Variants in ZDHHC7 observed in about 807,000 individuals in gnomAD.
ZDHHC7 encodes the protein palmitoyltransferase ZDHHC7.
In ZDHHC7, 12 loss-of-function variants were observed where a neutral mutation model predicts 34.1. The ratio of observed to expected loss-of-function variants is 0.35; its 90% CI spans 0.23 to 0.57. The LOEUF is 0.57. Among genes scored for constraint, ZDHHC7 ranks in the 20% least tolerant of loss-of-function variants. The pLI is 0.84. For missense variants in ZDHHC7, 388 were observed against 402.7 expected (o/e 0.96, Z 0.31); for synonymous variants, 185 against 155.4 (o/e 1.19, Z -1.42).
chr16:85,003,033 A>C lies in ZDHHC7; in HGVS notation c.-103-7026T>G, dbSNP rs1164552799. Among the ~76,000 whole-genome samples, 3 of 152,246 alleles carry C rather than the reference A, an allele frequency of 2.0e-5. No individual in the cohort carries two copies. The East Asian group carries it at 5.8e-4, about 29-fold the overall frequency. Reference sequence around the variant, plus strand: ...CTTTTATCCAAAAGCCCAGCCCAGCACCATAAACTTACCCAGGGCTGGAGA... The same window carrying C: ...CTTTTATCCAAAAGCCCAGCCCAGCCCCATAAACTTACCCAGGGCTGGAGA... On this transcript the variant is annotated intron_variant, in intron 1 of 7. Coordinates refer to ENST00000313732, the MANE Select transcript of ZDHHC7 (RefSeq NM_017740.3).
At chr16:85,002,704 G>C (rs191617584) in intron 1 of ZDHHC7, among the ~76,000 whole-genome samples, 1 of 152,052 alleles carries the variant, frequency 6.6e-6, no homozygotes, top group East Asian at 1.9e-4. Context: ...GAATTTTATC[G>C]ATAGGAGAAA....
chr16:84,982,566 A>C (rs748685660), intron 3 of ZDHHC7, among the ~76,000 whole-genome samples: 17 of 152,140 alleles, frequency 1.1e-4, no homozygotes, highest in Non-Finnish European at 1.8e-4. Flanking sequence ...CACTGCCCAG[A>C]GTTTTCTTAT....
intron 3 of ZDHHC7, 31 bp downstream of exon 3, chr16:84,990,273 A>G (rs780689553): frequency 6.2e-7 from 1 of 1,603,878 alleles, no homozygotes; most frequent in Non-Finnish European, 8.5e-7. Flanking sequence ...CAGACACAAG[A>G]GAGCCACCCA....
chr16:84,990,859 A>G (rs1256812303), intron 2 of ZDHHC7, among the ~76,000 whole-genome samples: 2 of 91,330 alleles, frequency 2.2e-5, no homozygotes, highest in Non-Finnish European at 4.0e-5. Flanking sequence ...TTATGCCTAC[A>G]TATACAAAAC....
rs538976169 is a variant in ZDHHC7 at position 84,981,493 on chromosome 16, C to G, written c.440+377G>C. On this transcript the variant is annotated intron_variant, in intron 4 of 7. Transcript: ENST00000313732. ...GCAGGAGTGAGGGGAAGGTTCTGAG[C>G]CTTTCTTCTGGCCCCCACACAGGAT... Among the ~76,000 whole-genome samples, 3 of 152,334 alleles carry G rather than the reference C, an allele frequency of 2.0e-5. No individual in the cohort carries two copies. The East Asian group carries it at 5.8e-4, about 29-fold the overall frequency.
chr16:85,010,466 T>G (rs1287379664), intron 1 of ZDHHC7, among the ~76,000 whole-genome samples: 2 of 152,206 alleles, frequency 1.3e-5, no homozygotes, highest in Non-Finnish European at 2.9e-5. Flanking sequence ...CTAAACCCCT[T>G]GGGATAGTAA....
At chr16:85,000,207 A>C (rs2072635614) in intron 1 of ZDHHC7, among the ~76,000 whole-genome samples, 1 of 152,224 alleles carries the variant, frequency 6.6e-6, no homozygotes, top group Admixed American at 6.5e-5. Context: ...AAACATGAGC[A>C]GGAGAAAAAA....
At chr16:85,016,070 T>C (rs1597573590), upstream of ZDHHC7, among the ~76,000 whole-genome samples, 1 of 152,266 alleles carries the variant, frequency 6.6e-6, no homozygotes, top group East Asian at 1.9e-4. Flanking sequence ...CCCAACCACG[T>C]CATGGCCTAA....
At chr16:84,998,572 G>A (rs569208864) in intron 1 of ZDHHC7, among the ~76,000 whole-genome samples, 4 of 152,022 alleles carry the variant, frequency 2.6e-5, no homozygotes, top group South Asian at 4.2e-4. Context: ...GCTGTCTCCC[G>A]CCCTAGTGTG....
Position 85,011,483 on chromosome 16 carries a change from T to C in ZDHHC7, c.-301A>G, listed in dbSNP as rs532515398. On this transcript the variant is annotated 5_prime_UTR_variant, in exon 1 of 8. Coordinates refer to ENST00000313732, the MANE Select transcript of ZDHHC7 (RefSeq NM_017740.3). ...CGGAAGGAGGCTGCAGCCAAGCAAA[T>C]GCCTCAGCCCGGAGCCTTGGCTGGA... is the stretch of plus-strand genomic sequence containing the variant. 6.6e-6 allele frequency: 1 copy of C among 152,136 alleles called. No individual in the cohort carries two copies. The highest frequency in any genetic ancestry group is 2.4e-5 in the African/African-American group (1 of 41,428). The allele number at this position is 152,136 out of a possible 1,614,324, so 9.4% of individuals were successfully genotyped here.
chr16:85,008,276 C>A (rs1222966979), intron 1 of ZDHHC7, among the ~76,000 whole-genome samples: 1 of 151,968 alleles, frequency 6.6e-6, no homozygotes, highest in East Asian at 1.9e-4. Flanking sequence ...GGCAATCAAT[C>A]AATCAATCAA....
At position 84,979,254 on chromosome 16, in the gene ZDHHC7, G is replaced by A; in HGVS notation, c.472C>T (p.His158Tyr). Residue 158 changes from histidine (H) to tyrosine (Y), a missense_variant, in exon 5 of 8, where the codon CAT becomes TAT. Transcript: ENST00000313732. ...ICKRCIRKMD[H>Y]HCPWVNNCVG... ...CAATTGTTCACCCACGGGCAGTGATGATCCATTTTCCGAATACATCTTTTG... is the reference window on the plus strand; with the variant it reads ...CAATTGTTCACCCACGGGCAGTGATAATCCATTTTCCGAATACATCTTTTG... 6.2e-7 allele frequency: 1 copy of A among 1,609,974 alleles called. No individual in the cohort carries two copies. The highest frequency in any genetic ancestry group is 8.5e-7 in the Non-Finnish European group (1 of 1,179,324).
chr16:85,008,994 A>G (rs1597567614), intron 1 of ZDHHC7, among the ~76,000 whole-genome samples: 1 of 151,630 alleles, frequency 6.6e-6, no homozygotes, highest in African/African-American at 2.4e-5. Flanking sequence ...GCAGGGAGCC[A>G]AGATCGAGCC....
In ZDHHC7 at chr16:84,990,624, C is replaced by G; in HGVS notation, c.-6G>C. 1 of 1,610,846 alleles carries G rather than the reference C, an allele frequency of 6.2e-7. No homozygotes were observed. The highest frequency in any genetic ancestry group is 8.5e-7 in the Non-Finnish European group (1 of 1,178,184). ...CTGTGTCCTGATGGCTGCATGATTT[C>G]CCTGACGCACCCTGGGGAGGGGGAC... On this transcript the variant is annotated 5_prime_UTR_variant, in exon 3 of 8. Coordinates refer to ENST00000313732, the MANE Select transcript of ZDHHC7 (RefSeq NM_017740.3).
chr16:85,023,531 G>A, the ZDHHC7 span, among the ~76,000 whole-genome samples: 1 of 152,176 alleles, frequency 6.6e-6, no homozygotes, highest in Non-Finnish European at 1.5e-5. Context: ...AATAGGCATG[G>A]TAGTCAAACA....
upstream of ZDHHC7, among the ~76,000 whole-genome samples, chr16:85,012,271 A>C (rs1273605258): frequency 6.6e-6 from 1 of 151,796 alleles, no homozygotes; most frequent in Non-Finnish European, 1.5e-5. Flanking sequence ...TAATCCCAGC[A>C]GCTACTCGAG....
chr16:84,983,538 C>G (rs541602603), intron 3 of ZDHHC7, among the ~76,000 whole-genome samples: 1 of 152,252 alleles, frequency 6.6e-6, no homozygotes, highest in East Asian at 1.9e-4. Context: ...GTTGACTGCC[C>G]AAACCTCCCC....
In ZDHHC7 at chr16:84,990,567, C is replaced by T; in HGVS notation, c.52G>A (p.Ala18Thr). The change falls in exon 3 of 8, where the codon GCT becomes ACT. Residue 18 changes from alanine to threonine, a missense_variant. Transcript: ENST00000313732. Reference sequence around the variant, plus strand: ...GAAGAGTCATAGTTGTCATTTTCAGCCAGGAGAGGATGATGCTCGACGTCC... The same window carrying T: ...GAAGAGTCATAGTTGTCATTTTCAGTCAGGAGAGGATGATGCTCGACGTCC... ...LRDVEHHPLL[A>T]ENDNYDSSSS... The T allele has an allele frequency of 1.2e-6, 2 of 1,614,068 alleles. No individual in the cohort carries two copies. The highest frequency in any genetic ancestry group is 1.7e-6 in the Non-Finnish European group (2 of 1,180,020).
intron 1 of ZDHHC7, among the ~76,000 whole-genome samples, chr16:85,005,252 C>G (rs1268935212): frequency 1.3e-5 from 2 of 152,186 alleles, no homozygotes; most frequent in African/African-American, 4.8e-5. Context: ...CTAGAGTTTC[C>G]CTGTTTAATA....
Sources: allele counts gnomAD v4.1 joint callset (sites outside exome capture counted in the v4.1 genomes callset), GRCh38; gene constraint gnomAD v4.1.1; transcripts MANE v1.5; gene names NCBI Gene and HGNC (gene_info 2026-07-23, HGNC 2026-07-21).